Variants in CNTNAP3B observed in about 807,000 individuals in gnomAD.
CNTNAP3B encodes the protein contactin-associated protein-like 3B.
CNTNAP3B carries 25 observed loss-of-function variants against 108.9 expected under a neutral mutation model. The observed-to-expected ratio is 0.23, with a 90% CI of 0.17 to 0.32. CNTNAP3B has a LOEUF of 0.32. Among genes scored for constraint, CNTNAP3B ranks in the 10% least tolerant of loss-of-function variants. CNTNAP3B has a pLI of 1.00. For synonymous variants in CNTNAP3B, 103 were observed against 473.4 expected (o/e 0.22, Z 10.16); for missense variants, 252 against 1,210.4 (o/e 0.21, Z 11.75).
chr9:42,001,460 C>T (rs1234228115), intron 4 of CNTNAP3B, among the ~76,000 whole-genome samples: 1 of 134,494 alleles, frequency 7.4e-6, no homozygotes, highest in Non-Finnish European at 1.6e-5. Flanking sequence ...AAATATTCCC[C>T]TACAATATAT....
chr9:42,079,913 T>A, intron 2 of CNTNAP3B, among the ~76,000 whole-genome samples: 1 of 132,258 alleles, frequency 7.6e-6, no homozygotes. Context: ...CATTGGGAAT[T>A]TTATACACAG....
At chr9:41,943,307 T>C (rs1427854925) in intron 13 of CNTNAP3B, among the ~76,000 whole-genome samples, 1 of 151,882 alleles carries the variant, frequency 6.6e-6, no homozygotes, top group African/African-American at 2.4e-5. Flanking sequence ...AGAAAAAGAA[T>C]GAAAAATGAA....
intron 14 of CNTNAP3B, among the ~76,000 whole-genome samples, chr9:41,936,043 C>T (rs1360035350): frequency 2.0e-5 from 3 of 152,226 alleles, no homozygotes; most frequent in Non-Finnish European, 4.4e-5. Context: ...AAAGTATGCA[C>T]TTAATACTAA....
intron 9 of CNTNAP3B, among the ~76,000 whole-genome samples, chr9:41,970,959 T>C (rs1825417614): frequency 6.6e-6 from 1 of 151,424 alleles, no homozygotes. Flanking sequence ...AAATTTGCAG[T>C]CCAGAATGTT....
rs565225076 is a variant in CNTNAP3B at position 41,976,911 on chromosome 9, C to A, written c.1478-6666G>T. Among the ~76,000 whole-genome samples the A allele has an allele frequency of 2.0e-4, 27 of 138,264 alleles. 1 individual carries two copies. Among genetic ancestry groups the A allele is most frequent in the African/African-American group, 7.8e-4 (27 of 34,700 alleles). The allele number at this position is 138,264 out of a possible 152,430, so 90.7% of individuals were successfully genotyped here. On this transcript the variant is annotated intron_variant, in intron 9 of 23. Transcript: ENST00000377561. The stretch of plus-strand genomic sequence containing the variant: ...CTCCAGCCTGGGCAACAGAGTGACT[C>A]CCTGTCTAAAAAAAAGGCAAAACAA...
At chr9:41,942,058 C>A (rs1303735347) in intron 13 of CNTNAP3B, among the ~76,000 whole-genome samples, 1 of 152,296 alleles carries the variant, frequency 6.6e-6, no homozygotes, top group East Asian at 1.9e-4. Context: ...TGGAAATACC[C>A]AGAACCAGCC....
rs562363244 is a variant in CNTNAP3B, at chr9:41,961,695, A to T, written c.1757-803T>A. On this transcript the variant is annotated intron_variant, in intron 11 of 23. Transcript: ENST00000377561. ...ATTAAAAAATAATTAAAGCTGATTT[A>T]AAAAAGAAACGTCCCTAAGTATTTT... 9.5e-4 allele frequency among the ~76,000 whole-genome samples: 145 copies of T among 152,334 alleles called. No homozygotes were observed. In the East Asian group the frequency reaches 0.011, roughly 12 times the overall value.
chr9:42,018,945 CTTA>C (rs1249155732), intron 3 of CNTNAP3B, among the ~76,000 whole-genome samples: 32 of 119,096 alleles, frequency 2.7e-4, no homozygotes, highest in African/African-American at 1.1e-3. Flanking sequence ...GGAAACACTA[CTTA>C]TTATCATCTG....
chr9:42,115,444 T>G (rs1353707838), intron 1 of CNTNAP3B, among the ~76,000 whole-genome samples: 2 of 139,192 alleles, frequency 1.4e-5, no homozygotes, highest in Non-Finnish European at 3.1e-5. Flanking sequence ...CTGCGTAGCC[T>G]AACTGGGAGA....
At chr9:41,921,173 C>T (rs1823657735) in intron 17 of CNTNAP3B, among the ~76,000 whole-genome samples, 1 of 152,304 alleles carries the variant, frequency 6.6e-6, no homozygotes, top group Non-Finnish European at 1.5e-5. Flanking sequence ...GTGCTTCATC[C>T]ACCGCAATGA....
intron 1 of CNTNAP3B, among the ~76,000 whole-genome samples, chr9:42,117,797 A>T (rs1490289494): frequency 2.2e-5 from 3 of 138,418 alleles, no homozygotes; most frequent in Non-Finnish European, 4.6e-5. Flanking sequence ...AATAAAGAAG[A>T]AAAGAGAGAA....
intron 13 of CNTNAP3B, among the ~76,000 whole-genome samples, chr9:41,938,796 C>T (rs1343591153): frequency 2.0e-5 from 3 of 152,274 alleles, no homozygotes; most frequent in Non-Finnish European, 4.4e-5. Flanking sequence ...TATACAAAGA[C>T]ATTGATTTAT....
At chr9:42,126,880 T>C (rs1465010586) in intron 1 of CNTNAP3B, among the ~76,000 whole-genome samples, 1 of 139,094 alleles carries the variant, frequency 7.2e-6, no homozygotes, top group African/African-American at 2.9e-5. Flanking sequence ...TAGAGAGCTC[T>C]TCCCATGAAG....
chr9:41,925,473 G>C (rs1402277256), intron 15 of CNTNAP3B, among the ~76,000 whole-genome samples: 1 of 152,304 alleles, frequency 6.6e-6, no homozygotes, highest in South Asian at 2.1e-4. Flanking sequence ...GGTGCCTGTA[G>C]TCCCAGCTAG....
chr9:41,973,201 C>T (rs1336980485), intron 9 of CNTNAP3B, among the ~76,000 whole-genome samples: 1 of 145,098 alleles, frequency 6.9e-6, no homozygotes, highest in African/African-American at 2.5e-5. Flanking sequence ...CCTGCCTCAG[C>T]CTCCCAAAAT....
At chr9:42,054,020 A>C (rs1303099508) in intron 3 of CNTNAP3B, among the ~76,000 whole-genome samples, 1 of 151,952 alleles carries the variant, frequency 6.6e-6, no homozygotes, top group Non-Finnish European at 1.5e-5. Flanking sequence ...AGGACTGAGC[A>C]AAGCTAACTT....
intron 15 of CNTNAP3B, chr9:41,926,776 TTG>T (rs1447125979): frequency 6.6e-6 from 1 of 152,434 alleles, no homozygotes; most frequent in Admixed American, 6.5e-5. Context: ...TTCAGAAGTC[TTG>T]CTGAAAGTAG....
intron 3 of CNTNAP3B, among the ~76,000 whole-genome samples, chr9:42,051,841 G>A (rs1187526111): frequency 7.9e-5 from 12 of 152,090 alleles, no homozygotes; most frequent in South Asian, 2.1e-4. Context: ...AATAGAAGCC[G>A]TTCCTAAACC....
At chr9:42,084,331 T>C (rs1308138616) in intron 2 of CNTNAP3B, among the ~76,000 whole-genome samples, 2 of 119,970 alleles carry the variant, frequency 1.7e-5, no homozygotes, top group East Asian at 6.1e-4. Context: ...GATGTGCAAA[T>C]GGGGCATATG....
Sources: allele counts gnomAD v4.1 joint callset (sites outside exome capture counted in the v4.1 genomes callset), GRCh38; gene constraint gnomAD v4.1.1; transcripts MANE v1.5; gene names NCBI Gene and HGNC (gene_info 2026-07-23, HGNC 2026-07-21).